Variants in PMS2 observed in about 807,000 individuals in gnomAD.
PMS2 encodes the protein mismatch repair endonuclease PMS2.
Under a neutral mutation model 90.0 loss-of-function variants are expected in PMS2, and 69 were observed. That is an observed-to-expected ratio of 0.77 (90% CI 0.63 to 0.94). The LOEUF (loss-of-function observed/expected upper bound fraction) is 0.94. Ranked by LOEUF, PMS2 falls within the 40% of genes least tolerant of loss-of-function variation. PMS2 has a pLI of 0.00. For synonymous variants in PMS2, 332 were observed against 375.1 expected (o/e 0.89, Z 1.33); for missense variants, 966 against 1,040.2 (o/e 0.93, Z 0.98).
intron 9 of PMS2, 84 bp from the exon 10 acceptor site, chr7:5,990,039 A>G (rs2128749670): frequency 2.1e-6 from 2 of 961,246 alleles, no homozygotes; most frequent in Non-Finnish European, 3.1e-6. Context: ...ACAGCGTCTC[A>G]CTCTGTCGCC....
intron 7 of PMS2, among the ~76,000 whole-genome samples, chr7:5,996,894 C>T (rs2128783356): frequency 6.6e-6 from 1 of 152,166 alleles, no homozygotes; most frequent in Non-Finnish European, 1.5e-5. Context: ...CACAGCATTG[C>T]TCACAGTTTT....
chr7:5,988,860 TTGTC>T (rs746892685), intron 10 of PMS2, among the ~76,000 whole-genome samples: 1 of 150,002 alleles, frequency 6.7e-6, no homozygotes, highest in Non-Finnish European at 1.5e-5. Flanking sequence ...TTTTGTTTGT[TTGTC>T]TGTTTTTTTG....
chr7:6,004,163 T>C (rs1002886966), intron 2 of PMS2, 105 bp from the exon 3 acceptor site: 13 of 703,558 alleles, frequency 1.8e-5, no homozygotes, highest in Middle Eastern at 3.9e-4. Flanking sequence ...GTCATAACTA[T>C]ACCTTTAGTT....
rs1583435174 is a variant in PMS2, at chr7:6,008,993, T to C, written c.23+4A>G. 1 of 1,612,636 alleles carries C rather than the reference T, an allele frequency of 6.2e-7. No individual in the cohort carries two copies. Among genetic ancestry groups the C allele is most frequent in the Non-Finnish European group, 8.5e-7 (1 of 1,179,836 alleles). On this transcript the variant is annotated splice_donor_region_variant and intron_variant, in intron 1 of 14. Transcript: ENST00000265849. ...GACACCGGAAGACTGCGAGCCCCGC[T>C]CACCTCGAGCTCTCAGCTCGCTCCA...
intron 1 of PMS2, among the ~76,000 whole-genome samples, chr7:6,007,712 T>C (rs1180497680): frequency 2.0e-5 from 3 of 152,130 alleles, no homozygotes; most frequent in African/African-American, 7.2e-5. Flanking sequence ...ACAAACCTCT[T>C]TACTCTTCAT....
intron 4 of PMS2, among the ~76,000 whole-genome samples, 197 bp from the exon 5 acceptor site, chr7:6,002,833 A>G (rs1275037503): frequency 1.3e-5 from 2 of 152,210 alleles, no homozygotes; most frequent in African/African-American, 4.8e-5. Flanking sequence ...TGAGACAGAG[A>G]GCACTAAACA....
At chr7:5,998,601 G>C (rs1206997906) in intron 6 of PMS2, among the ~76,000 whole-genome samples, 4 of 151,404 alleles carry the variant, frequency 2.6e-5, no homozygotes, top group African/African-American at 9.7e-5. Flanking sequence ...GGCTAAGGTA[G>C]GAGAATTGCT....
chr7:5,989,897 C>G lies in PMS2; in HGVS notation c.1047G>C (p.Lys349Asn). The G allele has an allele frequency of 6.2e-7, 1 of 1,611,992 alleles. No individual in the cohort carries two copies. Among genetic ancestry groups the G allele is most frequent in the South Asian group, 1.1e-5 (1 of 90,886 alleles). The change falls in exon 10 of 15, where the codon AAG becomes AAC. Residue 349 changes from lysine (K) to asparagine (N), a missense_variant. Transcript: ENST00000265849. ...DKRQILLQEE[K>N]LLLAVLKTSL... Reference sequence around the variant, plus strand: ...AGGTCTTTAAAACTGCCAACAAAAGCTTTTCCTCTTGTAGCAAAATTTGCC... The same window carrying G: ...AGGTCTTTAAAACTGCCAACAAAAGGTTTTCCTCTTGTAGCAAAATTTGCC...
At chr7:5,996,369 C>T (rs914747605) in intron 7 of PMS2, among the ~76,000 whole-genome samples, 4 of 151,850 alleles carry the variant, frequency 2.6e-5, no homozygotes, top group African/African-American at 9.7e-5. Flanking sequence ...GCCTGGGCAA[C>T]ATGGCGAAAC....
chr7:5,987,177 G>T lies in PMS2; in HGVS notation c.1588C>A (p.Gln530Lys), dbSNP rs751261543. The T allele has an allele frequency of 6.2e-7, 1 of 1,613,928 alleles. No homozygotes were observed. The highest frequency in any genetic ancestry group is 8.5e-7 in the Non-Finnish European group (1 of 1,179,950). ...AASSPGDRGS[Q>K]EHVDSQEKAP... ...TTCTCCTGAGAGTCCACATGTTCCTGCGAGCCCCTGTCCCCTGGGGAGCTG... is the reference window on the plus strand; with the variant it reads ...TTCTCCTGAGAGTCCACATGTTCCTTCGAGCCCCTGTCCCCTGGGGAGCTG... Residue 530 changes from glutamine (Q) to lysine (K), a missense_variant, in exon 11 of 15, where the codon CAG (glutamine) becomes AAG (lysine). Coordinates refer to ENST00000265849, the MANE Select transcript of PMS2 (RefSeq NM_000535.7).
At chr7:5,980,799 G>A (rs548923059) in intron 12 of PMS2, among the ~76,000 whole-genome samples, 15 of 142,840 alleles carry the variant, frequency 1.1e-4, no homozygotes, top group Admixed American at 4.3e-4. Flanking sequence ...AGAGGAACAG[G>A]GAAGGGATAT....
chr7:6,004,854 C>A (rs926656241), intron 2 of PMS2, among the ~76,000 whole-genome samples: 7 of 152,082 alleles, frequency 4.6e-5, no homozygotes, highest in African/African-American at 1.7e-4. Flanking sequence ...TAAGTTCTAT[C>A]TCATAAAGTT....
chr7:5,996,838 T>C (rs1036478151), intron 7 of PMS2, among the ~76,000 whole-genome samples: 19 of 151,876 alleles, frequency 1.3e-4, no homozygotes, highest in Admixed American at 6.6e-5. Flanking sequence ...CAAAACATGG[T>C]TTGAATTAAG....
chr7:6,009,072 C>T (rs559634583), upstream of PMS2: 1,476 of 1,600,410 alleles, frequency 9.2e-4, 19 homozygotes, highest in South Asian at 0.012. Context: ...TCCAGGGCTC[C>T]CACAGGCGCT....
intron 11 of PMS2, among the ~76,000 whole-genome samples, chr7:5,984,012 T>G (rs1782588893): frequency 6.6e-6 from 1 of 151,894 alleles, no homozygotes; most frequent in Admixed American, 6.6e-5. Flanking sequence ...ATAATTTGTC[T>G]GACAAATCCC....
At chr7:5,993,999 A>G (rs919136477) in intron 8 of PMS2, among the ~76,000 whole-genome samples, 4 of 152,060 alleles carry the variant, frequency 2.6e-5, no homozygotes, top group African/African-American at 9.7e-5. Context: ...TATACTGGTA[A>G]TATGTGTTTA....
intron 9 of PMS2, among the ~76,000 whole-genome samples, chr7:5,990,921 G>A (rs112735057): frequency 7.2e-5 from 11 of 152,162 alleles, no homozygotes; most frequent in South Asian, 2.1e-4. Flanking sequence ...AGGCTGAGGC[G>A]GGAGAATCGC....
chr7:6,007,217 G>C (rs1189039562), intron 1 of PMS2, among the ~76,000 whole-genome samples: 1 of 152,034 alleles, frequency 6.6e-6, no homozygotes, highest in East Asian at 1.9e-4. Flanking sequence ...CCAGGTTCAA[G>C]CGATTCTCCT....
At chr7:5,997,761 G>A (rs1583377705) in intron 6 of PMS2, among the ~76,000 whole-genome samples, 1 of 152,032 alleles carries the variant, frequency 6.6e-6, no homozygotes, top group African/African-American at 2.4e-5. Flanking sequence ...TGTTATCCAA[G>A]CTGGTCTTAA....
Sources: gnomAD v4.1 joint callset for allele counts (sites outside exome capture counted in the v4.1 genomes callset) on GRCh38, gnomAD v4.1.1 for gene constraint, MANE v1.5 for transcripts, NCBI Gene and HGNC (gene_info 2026-07-23, HGNC 2026-07-21) for gene names.